ARHGEF38: variants seen among roughly 807,000 people sequenced by gnomAD.
The protein encoded by ARHGEF38 is Rho guanine nucleotide exchange factor (GEF) 38.
ARHGEF38 carries 79 observed loss-of-function variants against 79.9 expected under a neutral mutation model. That is an observed-to-expected ratio of 0.99 (90% CI 0.82 to 1.19). ARHGEF38 has a LOEUF of 1.19. ARHGEF38 is among the 50% of genes most tolerant of loss of function. The probability of loss-of-function intolerance (pLI) is 0.00; values close to 1 mark genes in which losing one functional copy is unlikely to be tolerated. For synonymous variants in ARHGEF38, 366 were observed against 328.3 expected (o/e 1.11, Z -1.24); for missense variants, 962 against 907.2 (o/e 1.06, Z -0.78).
intron 1 of ARHGEF38, among the ~76,000 whole-genome samples, chr4:105,583,995 C>G (rs1301069731): frequency 1.3e-5 from 2 of 151,978 alleles, no homozygotes; most frequent in African/African-American, 2.4e-5. Flanking sequence ...AGTATGTTCC[C>G]TTTTCCCACT....
At chr4:105,656,121 C>T (rs1433025766) in intron 9 of ARHGEF38, among the ~76,000 whole-genome samples, 15 of 152,188 alleles carry the variant, frequency 9.9e-5, no homozygotes, top group Admixed American at 8.5e-4. Flanking sequence ...GTGGAACAAT[C>T]TCAGCTCACT....
intron 1 of ARHGEF38, among the ~76,000 whole-genome samples, chr4:105,556,199 C>T (rs1375942800): frequency 2.6e-5 from 4 of 152,170 alleles, no homozygotes; most frequent in Non-Finnish European, 5.9e-5. Flanking sequence ...AAATCATACA[C>T]ATTTGGTAAA....
chr4:105,561,392 GAGT>G (rs1560683898), intron 1 of ARHGEF38, among the ~76,000 whole-genome samples: 2 of 11,800 alleles, frequency 1.7e-4, no homozygotes, highest in Non-Finnish European at 5.8e-4. Flanking sequence ...CTCAAAAATA[GAGT>G]AGAATAATAG....
chr4:105,648,099 A>G (rs1394190430), intron 6 of ARHGEF38, among the ~76,000 whole-genome samples: 2 of 151,940 alleles, frequency 1.3e-5, no homozygotes, highest in East Asian at 1.9e-4. Context: ...CATGTTGGCC[A>G]GGCTGATCTC....
At chr4:105,671,385 G>C (rs571118045) in intron 13 of ARHGEF38, among the ~76,000 whole-genome samples, 1 of 152,282 alleles carries the variant, frequency 6.6e-6, no homozygotes, top group South Asian at 2.1e-4. Context: ...TTCACTACAA[G>C]GGAGAAGAGA....
At chr4:105,667,028 C>A in intron 11 of ARHGEF38, 101 bp from the exon 12 acceptor site, 1 of 989,094 alleles carries the variant, frequency 1.0e-6, no homozygotes, top group Non-Finnish European at 1.5e-6. Context: ...AAATATATGA[C>A]TCCTACGTTT....
chr4:105,679,565 C>A lies in ARHGEF38; in HGVS notation c.*1628C>A. On this transcript the variant is annotated 3_prime_UTR_variant, in exon 14 of 14. Coordinates refer to ENST00000420470, the MANE Select transcript of ARHGEF38 (RefSeq NM_001242729.2). ...AAGCTGCAGCCAATGCATCTATCGCCCCTTTCTCTTCTATCAGTATCTGAG... is the reference window on the plus strand; with the variant it reads ...AAGCTGCAGCCAATGCATCTATCGCACCTTTCTCTTCTATCAGTATCTGAG... The A allele has an allele frequency of 1.9e-6, 2 of 1,029,318 alleles. No homozygotes were observed. Among genetic ancestry groups the A allele is most frequent in the Non-Finnish European group, 3.1e-6 (2 of 648,856 alleles). The allele number at this position is 1,029,318 out of a possible 1,614,324, so 63.8% of individuals were successfully genotyped here.
chr4:105,671,031 A>C (rs948624510), intron 13 of ARHGEF38, among the ~76,000 whole-genome samples: 1 of 152,212 alleles, frequency 6.6e-6, no homozygotes, highest in African/African-American at 2.4e-5. Flanking sequence ...TCCATTAGAG[A>C]TTTCCATTAC....
At chr4:105,660,078 C>T (rs1249035626) in intron 10 of ARHGEF38, among the ~76,000 whole-genome samples, 5 of 151,882 alleles carry the variant, frequency 3.3e-5, no homozygotes, top group African/African-American at 1.2e-4. Flanking sequence ...AATAATTGTC[C>T]CTACTTTATT....
At chr4:105,556,350 G>A (rs538209669) in intron 1 of ARHGEF38, among the ~76,000 whole-genome samples, 20 of 152,262 alleles carry the variant, frequency 1.3e-4, no homozygotes, top group African/African-American at 3.6e-4. Flanking sequence ...TCAAAGTCTG[G>A]TTGGGAAAGA....
intron 3 of ARHGEF38, among the ~76,000 whole-genome samples, chr4:105,613,782 AT>A (rs1448655627): frequency 9.9e-5 from 15 of 151,908 alleles, no homozygotes; most frequent in South Asian, 4.2e-4. Context: ...ATGTTCTGTA[AT>A]TTTTTTTAAT....
At chr4:105,584,810 G>A (rs1230259554) in intron 1 of ARHGEF38, among the ~76,000 whole-genome samples, 5 of 152,182 alleles carry the variant, frequency 3.3e-5, no homozygotes, top group Non-Finnish European at 7.4e-5. Context: ...AAGAAGAAAG[G>A]AAAAACAGGA....
At chr4:105,553,025 C>T in intron 1 of ARHGEF38, 64 bp downstream of exon 1, 1 of 1,326,506 alleles carries the variant, frequency 7.5e-7, no homozygotes, top group East Asian at 2.5e-5. Context: ...GCTACGTTTC[C>T]AATTGCAAAG....
chr4:105,651,459 G>C (rs1730101700), intron 7 of ARHGEF38, among the ~76,000 whole-genome samples: 2 of 152,290 alleles, frequency 1.3e-5, no homozygotes, highest in South Asian at 4.1e-4. Context: ...CCATGTTAGA[G>C]ATTGGGACTA....
rs543424069 is a variant in ARHGEF38 at position 105,637,861 on chromosome 4, C to T, written c.674+1441C>T. ...GAAACACGCTTAAAAATGGCCCTAG[C>T]ACTTGCTGCAATCCTGCTGTGTAGG... is the stretch of plus-strand genomic sequence containing the variant. On this transcript the variant is annotated intron_variant, in intron 5 of 13. Transcript: ENST00000420470. Among the ~76,000 whole-genome samples the T allele has an allele frequency of 2.0e-5, 3 of 152,250 alleles. No homozygotes were observed. In the South Asian group the frequency reaches 6.2e-4, roughly 32 times the overall value.
intron 1 of ARHGEF38, among the ~76,000 whole-genome samples, chr4:105,579,317 A>C (rs772149618): frequency 1.3e-5 from 2 of 152,132 alleles, no homozygotes; most frequent in Non-Finnish European, 2.9e-5. Flanking sequence ...CCAGTTTTTA[A>C]GGGGAATGCT....
intron 4 of ARHGEF38, chr4:105,631,352 G>C: frequency 9.8e-7 from 1 of 1,023,544 alleles, no homozygotes; most frequent in Non-Finnish European, 1.2e-6. Context: ...TAACTTGCCT[G>C]GCCCCACGTA....
At chr4:105,617,852 A>G (rs1030093489) in intron 3 of ARHGEF38, among the ~76,000 whole-genome samples, 3 of 152,204 alleles carry the variant, frequency 2.0e-5, no homozygotes, top group Non-Finnish European at 4.4e-5. Context: ...AAAGTCCATA[A>G]TCATGCTTTG....
At chr4:105,599,887 G>A (rs182828320) in intron 2 of ARHGEF38, among the ~76,000 whole-genome samples, 1 of 152,222 alleles carries the variant, frequency 6.6e-6, no homozygotes, top group Non-Finnish European at 1.5e-5. Flanking sequence ...ACATTTTTGT[G>A]TCATCAAAAA....
Sources: allele counts gnomAD v4.1 joint callset (sites outside exome capture counted in the v4.1 genomes callset), GRCh38; gene constraint gnomAD v4.1.1; transcripts MANE v1.5; gene names NCBI Gene and HGNC (gene_info 2026-07-23, HGNC 2026-07-21).